Variants in TMEM132C observed in about 807,000 individuals in gnomAD.
TMEM132C encodes the protein transmembrane protein 132C.
TMEM132C carries 29 observed loss-of-function variants against 61.4 expected under a neutral mutation model. The ratio of observed to expected loss-of-function variants is 0.47; its 90% CI spans 0.35 to 0.64. TMEM132C has a LOEUF of 0.64. Among genes scored for constraint, TMEM132C ranks in the 30% least tolerant of loss-of-function variants. The pLI, the probability that TMEM132C is intolerant of heterozygous loss-of-function variation, is 0.00. For synonymous variants in TMEM132C, 656 were observed against 633.1 expected (o/e 1.04, Z -0.54); for missense variants, 1,408 against 1,476.9 (o/e 0.95, Z 0.76).
chr12:128,495,929 G>A (rs561881005), intron 2 of TMEM132C, among the ~76,000 whole-genome samples: 39 of 152,284 alleles, frequency 2.6e-4, no homozygotes, highest in Non-Finnish European at 3.8e-4. Context: ...TCCTAGCCTC[G>A]ATGGTCTTTA....
chr12:128,652,036 C>G (rs1343039784), intron 4 of TMEM132C, among the ~76,000 whole-genome samples: 1 of 152,338 alleles, frequency 6.6e-6, no homozygotes, highest in African/African-American at 2.4e-5. Flanking sequence ...CCCTTCTCCA[C>G]AGTCCAGAAG....
chr12:128,478,812 C>G (rs763476897), intron 2 of TMEM132C, among the ~76,000 whole-genome samples: 1 of 152,224 alleles, frequency 6.6e-6, no homozygotes, highest in Non-Finnish European at 1.5e-5. Flanking sequence ...CACTCAACGA[C>G]TTATGCCAAG....
chr12:128,510,066 C>G (rs1244313537), intron 2 of TMEM132C, among the ~76,000 whole-genome samples: 1 of 152,114 alleles, frequency 6.6e-6, no homozygotes, highest in Non-Finnish European at 1.5e-5. Context: ...AACCAACACT[C>G]CTGAGGCTGG....
intron 5 of TMEM132C, among the ~76,000 whole-genome samples, chr12:128,669,874 T>C (rs1206531221): frequency 6.6e-6 from 1 of 152,256 alleles, no homozygotes; most frequent in Non-Finnish European, 1.5e-5. Context: ...AATGGCTAAA[T>C]TGAGCTATTA....
At chr12:128,649,127 G>A (rs1442887535) in intron 4 of TMEM132C, among the ~76,000 whole-genome samples, 4 of 152,238 alleles carry the variant, frequency 2.6e-5, no homozygotes, top group Non-Finnish European at 5.9e-5. Context: ...GGCTCTCGTG[G>A]TGATTTATCA....
chr12:128,293,474 A>T (rs989696609), intron 1 of TMEM132C, among the ~76,000 whole-genome samples: 9 of 114,512 alleles, frequency 7.9e-5, no homozygotes, highest in Admixed American at 2.7e-4. Context: ...ACCTCCTTAC[A>T]GAATTTCAAA....
chr12:128,589,761 T>C (rs997777744), intron 3 of TMEM132C, among the ~76,000 whole-genome samples: 2 of 148,154 alleles, frequency 1.3e-5, no homozygotes, highest in Non-Finnish European at 2.9e-5. Context: ...TTTGAATTCC[T>C]TTTTTTTCCC....
intron 2 of TMEM132C, among the ~76,000 whole-genome samples, chr12:128,469,057 T>C (rs57936209): frequency 0.073 from 11,034 of 152,148 alleles, 1,336 homozygotes; most frequent in African/African-American, 0.25. Flanking sequence ...ACCATACCGC[T>C]TGGTTGAAGT....
intron 1 of TMEM132C, among the ~76,000 whole-genome samples, chr12:128,294,708 A>G (rs1350493953): frequency 5.9e-5 from 9 of 152,198 alleles, no homozygotes; most frequent in South Asian, 2.1e-4. Context: ...GTCCTCTCAC[A>G]GTGGAGGGGA....
chr12:128,512,836 C>G (rs549663877), intron 2 of TMEM132C, among the ~76,000 whole-genome samples: 21 of 152,270 alleles, frequency 1.4e-4, no homozygotes, highest in African/African-American at 5.1e-4. Context: ...CCACACCTCG[C>G]TTTTTGAAAA....
chr12:128,364,518 C>T (rs140065344), intron 1 of TMEM132C, among the ~76,000 whole-genome samples: 170 of 152,322 alleles, frequency 1.1e-3, no homozygotes, highest in African/African-American at 3.6e-3. Flanking sequence ...GACAAAGTTT[C>T]TCATGGAGTC....
intron 4 of TMEM132C, among the ~76,000 whole-genome samples, chr12:128,622,916 C>T (rs748657137): frequency 2.6e-5 from 4 of 152,088 alleles, no homozygotes; most frequent in African/African-American, 7.2e-5. Context: ...GGGTTGGATG[C>T]TCTAGGGCAA....
At chr12:128,604,152 T>A (rs749618822) in intron 3 of TMEM132C, among the ~76,000 whole-genome samples, 9 of 152,106 alleles carry the variant, frequency 5.9e-5, no homozygotes, top group Non-Finnish European at 1.2e-4. Context: ...GGTGGATGAG[T>A]CCATAGATAT....
rs201249624 is a variant in TMEM132C, at chr12:128,702,334, CATTT to C, written c.2122-2752_2122-2749del. ...TCGTTTTATGTTATTTCATAAATAA[CATTT>C]ATTATGAAATTTATTTATTATGAAA... is the stretch of plus-strand genomic sequence containing the variant. On this transcript the variant is annotated intron_variant, in intron 8 of 8. Transcript: ENST00000435159. 6.5e-4 allele frequency among the ~76,000 whole-genome samples: 98 copies of C among 151,636 alleles called. No homozygotes were observed. In the East Asian group the frequency reaches 0.012, roughly 18 times the overall value.
intron 4 of TMEM132C, among the ~76,000 whole-genome samples, chr12:128,633,638 C>T (rs534554616): frequency 5.3e-5 from 8 of 152,174 alleles, no homozygotes; most frequent in Non-Finnish European, 1.0e-4. Flanking sequence ...TCTGAGAAAC[C>T]CTCACCTAGT....
At chr12:128,491,962 T>C (rs192947724) in intron 2 of TMEM132C, among the ~76,000 whole-genome samples, 1 of 152,176 alleles carries the variant, frequency 6.6e-6, no homozygotes, top group Admixed American at 6.5e-5. Flanking sequence ...TAACTCGTCG[T>C]TTACATTAGG....
chr12:128,584,758 G>C, intron 3 of TMEM132C, among the ~76,000 whole-genome samples: 1 of 152,196 alleles, frequency 6.6e-6, no homozygotes, highest in Non-Finnish European at 1.5e-5. Flanking sequence ...TGGCGAATGG[G>C]TGTCAGCTAT....
chr12:128,415,003 A>G lies in TMEM132C; in HGVS notation c.357A>G (p.Leu119=). The change falls in exon 2 of 9, where the codon TTA becomes TTG. Residue 119 remains leucine (L), a synonymous_variant. Transcript: ENST00000435159. This position sits in a 1 kb window ranked among gnomAD's most constrained non-coding sequence, Gnocchi z 5.8. ...PLDLMLTSNF[L]GPTNKFSFDW... The stretch of plus-strand genomic sequence containing the variant: ...ACTTGATGTTGACTTCAAACTTTTT[A>G]GGTCCAACCAATAAGTTTAGTTTTG... 1 of 1,553,750 alleles carries G rather than the reference A, an allele frequency of 6.4e-7. No homozygotes were observed. Among genetic ancestry groups the G allele is most frequent in the Non-Finnish European group, 8.7e-7 (1 of 1,148,024 alleles).
chr12:128,494,836 C>T (rs1871884218), intron 2 of TMEM132C, among the ~76,000 whole-genome samples: 1 of 151,704 alleles, frequency 6.6e-6, no homozygotes, highest in Non-Finnish European at 1.5e-5. Flanking sequence ...TTTTGTGTCT[C>T]TATCTCCTTC....
Sources: allele counts gnomAD v4.1 joint callset (sites outside exome capture counted in the v4.1 genomes callset), GRCh38; gene constraint gnomAD v4.1.1; non-coding constraint Gnocchi (gnomAD v3.1); transcripts MANE v1.5; gene names NCBI Gene and HGNC (gene_info 2026-07-23, HGNC 2026-07-21).